The following GFOD1 variants were observed in gnomAD, a reference collection of about 807,000 sequenced individuals.
GFOD1 encodes the protein glucose-fructose oxidoreductase domain-containing protein 1.
A neutral mutation model predicts 25.4 loss-of-function variants in GFOD1; 9 were observed. The ratio of observed to expected loss-of-function variants is 0.35; its 90% CI spans 0.21 to 0.62. GFOD1 has a LOEUF of 0.62. Among genes scored for constraint, GFOD1 ranks in the 20% least tolerant of loss-of-function variants. GFOD1 has a pLI of 0.72. For synonymous variants in GFOD1, 253 were observed against 245.6 expected (o/e 1.03, Z -0.28); for missense variants, 403 against 556.9 (o/e 0.72, Z 2.78).
intron 1 of GFOD1, among the ~76,000 whole-genome samples, chr6:13,480,321 G>T (rs1172613456): frequency 6.6e-6 from 1 of 152,198 alleles, no homozygotes; most frequent in African/African-American, 2.4e-5. Context: ...CATGAAAACA[G>T]ATGTCATCAC....
chr6:13,422,834 G>A (rs1270953766), intron 1 of GFOD1, among the ~76,000 whole-genome samples: 2 of 152,184 alleles, frequency 1.3e-5, no homozygotes, highest in South Asian at 4.1e-4. Context: ...GAAGTGCCCT[G>A]GTGGGAATGT....
Position 13,383,685 on chromosome 6 carries a change from A to C in GFOD1, c.254-18023T>G, listed in dbSNP as rs1376391587. Among the ~76,000 whole-genome samples the C allele has an allele frequency of 2.0e-5, 3 of 152,214 alleles. No individual in the cohort carries two copies. The East Asian group carries it at 5.8e-4, about 29-fold the overall frequency. ...CACGCCTTGGGTTTCTATGTAAGCA[A>C]ATCAAAACCCAACCCTATGTAAACA... On this transcript the variant is annotated intron_variant, in intron 1 of 1. Coordinates refer to ENST00000379287, the MANE Select transcript of GFOD1 (RefSeq NM_018988.4).
At chr6:13,462,214 T>C (rs963816676) in intron 1 of GFOD1, among the ~76,000 whole-genome samples, 2 of 152,164 alleles carry the variant, frequency 1.3e-5, no homozygotes, top group Non-Finnish European at 2.9e-5. Flanking sequence ...TTCAAAAGTA[T>C]TGCACTATTT....
intron 1 of GFOD1, chr6:13,486,088 A>G (rs1195611181): frequency 1.0e-6 from 1 of 979,174 alleles, no homozygotes; most frequent in Non-Finnish European, 1.2e-6. Context: ...GCAGAAAGAA[A>G]CAAACGACCC....
At chr6:13,463,999 T>C (rs1758338072) in intron 1 of GFOD1, among the ~76,000 whole-genome samples, 1 of 152,140 alleles carries the variant, frequency 6.6e-6, no homozygotes, top group Admixed American at 6.5e-5. Context: ...ACAAACCATA[T>C]ATACGTATAT....
At chr6:13,485,131 A>T (rs1039779131) in intron 1 of GFOD1, among the ~76,000 whole-genome samples, 1 of 152,246 alleles carries the variant, frequency 6.6e-6, no homozygotes, top group African/African-American at 2.4e-5. Flanking sequence ...GCAGACACTT[A>T]ATAAAATTAA....
intron 1 of GFOD1, among the ~76,000 whole-genome samples, chr6:13,381,915 G>GCGCACACACACA (rs748305101): frequency 1.2e-4 from 17 of 140,138 alleles, no homozygotes; most frequent in African/African-American, 3.9e-4. Flanking sequence ...ACGCGCGCGC[G>GCGCACACACACA]CACACACACA....
At chr6:13,471,091 C>T (rs748199331) in intron 1 of GFOD1, among the ~76,000 whole-genome samples, 2 of 152,146 alleles carry the variant, frequency 1.3e-5, no homozygotes, top group Non-Finnish European at 2.9e-5. Flanking sequence ...GGAATAAAGT[C>T]GGAAACCCCA....
At chr6:13,390,713 G>A (rs1328339829) in intron 1 of GFOD1, among the ~76,000 whole-genome samples, 1 of 120,856 alleles carries the variant, frequency 8.3e-6, no homozygotes, top group African/African-American at 3.0e-5. Flanking sequence ...GTGACAGTGA[G>A]ACCCTGTGAA....
intron 1 of GFOD1, among the ~76,000 whole-genome samples, chr6:13,435,279 C>T (rs542919695): frequency 9.8e-4 from 149 of 152,314 alleles, no homozygotes; most frequent in Non-Finnish European, 1.8e-3. Context: ...TCCCTACTTG[C>T]ATCCTGAACA....
intron 1 of GFOD1, among the ~76,000 whole-genome samples, chr6:13,439,313 A>C (rs1201718235): frequency 1.3e-5 from 2 of 152,238 alleles, no homozygotes. Flanking sequence ...AAAGTGGCAC[A>C]GTTGTCAGAA....
chr6:13,359,215 A>G lies in GFOD1; in HGVS notation c.*5528T>C, dbSNP rs974089095. 10 of 152,280 alleles carry G rather than the reference A, an allele frequency of 6.6e-5. No individual in the cohort carries two copies. The highest frequency in any genetic ancestry group is 2.4e-4 in the African/African-American group (10 of 41,464). The allele number at this position is 152,280 out of a possible 1,614,324, so 9.4% of individuals were successfully genotyped here. A position where few individuals can be genotyped will look rare whatever the true frequency, so the allele number is the denominator to read the frequency against. ...GCGGGGAGAAGGTGGAGAGGCGGGC[A>G]TGCCTGCCGCTGAGAAAGACATAAT... On this transcript the variant is annotated 3_prime_UTR_variant, in exon 2 of 2. Coordinates refer to ENST00000379287, the MANE Select transcript of GFOD1 (RefSeq NM_018988.4).
At chr6:13,391,365 G>C (rs1260940644) in intron 1 of GFOD1, among the ~76,000 whole-genome samples, 1 of 152,078 alleles carries the variant, frequency 6.6e-6, no homozygotes, top group Non-Finnish European at 1.5e-5. Flanking sequence ...GGGCGCAGTG[G>C]TGGGCGCCTG....
At chr6:13,454,135 C>T (rs2841562) in intron 1 of GFOD1, among the ~76,000 whole-genome samples, 66,549 of 151,944 alleles carry the variant, frequency 0.44, 17,269 homozygotes, top group Middle Eastern at 0.63. Context: ...CGAGGTGATG[C>T]ATCCTCAGGC....
At chr6:13,375,711 C>T (rs1013038844) in intron 1 of GFOD1, among the ~76,000 whole-genome samples, 1 of 152,270 alleles carries the variant, frequency 6.6e-6, no homozygotes, top group Middle Eastern at 3.4e-3. Flanking sequence ...ATCCCACCAA[C>T]CCCTTTGTGA....
chr6:13,486,106 GCGCCAC>G, intron 1 of GFOD1: 2 of 986,876 alleles, frequency 2.0e-6, no homozygotes, highest in Non-Finnish European at 1.2e-6. Flanking sequence ...CCCTAGCAGG[GCGCCAC>G]CGCTGCTGAA....
intron 1 of GFOD1, among the ~76,000 whole-genome samples, chr6:13,450,426 G>T (rs1343171779): frequency 6.6e-6 from 1 of 152,216 alleles, no homozygotes; most frequent in Admixed American, 6.5e-5. Flanking sequence ...AGGTGATCTG[G>T]TAGCAGGACT....
chr6:13,372,380 T>C (rs1387169612), intron 1 of GFOD1, among the ~76,000 whole-genome samples: 1 of 152,126 alleles, frequency 6.6e-6, no homozygotes, highest in Non-Finnish European at 1.5e-5. Context: ...CGAGCCAAAA[T>C]ATTCATGGCC....
intron 1 of GFOD1, among the ~76,000 whole-genome samples, chr6:13,480,260 A>T (rs780228826): frequency 7.2e-5 from 11 of 152,332 alleles, no homozygotes; most frequent in Non-Finnish European, 8.8e-5. Flanking sequence ...TTGCACTCCC[A>T]TGGAGAAACT....
Sources: gnomAD v4.1 joint callset for allele counts (sites outside exome capture counted in the v4.1 genomes callset) on GRCh38, gnomAD v4.1.1 for gene constraint, MANE v1.5 for transcripts, NCBI Gene and HGNC (gene_info 2026-07-23, HGNC 2026-07-21) for gene names.